The following OR4N5 variants were observed in gnomAD, a reference collection of about 807,000 sequenced individuals.
OR4N5 encodes the protein olfactory receptor family 4 subfamily N member 5.
For synonymous variants in OR4N5, 155 were observed against 140.6 expected (o/e 1.10, Z -0.72); for missense variants, 428 against 370.0 (o/e 1.16, Z -1.29).
chr14:20,140,137 G>A (rs890990350), intron 1 of OR4N5, among the ~76,000 whole-genome samples: 1 of 152,132 alleles, frequency 6.6e-6, no homozygotes, highest in African/African-American at 2.4e-5. Flanking sequence ...AACAGGTTAA[G>A]CAATTTATTA....
intron 2 of OR4N5, among the ~76,000 whole-genome samples, chr14:20,143,095 G>T (rs1566559370): frequency 1.3e-5 from 2 of 152,148 alleles, no homozygotes; most frequent in Non-Finnish European, 2.9e-5. Flanking sequence ...TTTAACTAGG[G>T]AATTCCTCTA....
intron 1 of OR4N5, among the ~76,000 whole-genome samples, chr14:20,140,293 G>T (rs1878591447): frequency 6.6e-6 from 1 of 152,038 alleles, no homozygotes; most frequent in Admixed American, 6.6e-5. Context: ...AAAGAGGGAG[G>T]AAAAGCAAGG....
Position 20,143,924 on chromosome 14 carries a change from G to A in OR4N5, c.189G>A (p.Leu63=). 6.2e-7 allele frequency: 1 copy of A among 1,613,942 alleles called. No individual in the cohort carries two copies. Among genetic ancestry groups the A allele is most frequent in the Middle Eastern group, 1.7e-4 (1 of 6,054 alleles). ...PGLTAPLYFF[L]GNLALLDASY... ...TCACAGCCCCCCTCTATTTCTTTCT[G>A]GGCAACTTGGCCTTACTGGATGCAT... Residue 63 remains leucine (L), a synonymous_variant, in exon 3 of 3, where the codon CTG becomes CTA. Transcript: ENST00000641086.
chr14:20,144,603 C>G lies in OR4N5; in HGVS notation c.868C>G (p.Arg290Gly), dbSNP rs199690567. The G allele has an allele frequency of 3.4e-4, 545 of 1,613,586 alleles. No homozygotes were observed. Among genetic ancestry groups the G allele is most frequent in the Non-Finnish European group, 4.4e-4 (523 of 1,179,812 alleles). Reference sequence around the variant, plus strand: ...GATGAACCCTGTTATTTATACGCTTCGCAACCAGGAGGTGAAAGCTTCCAT... The same window carrying G: ...GATGAACCCTGTTATTTATACGCTTGGCAACCAGGAGGTGAAAGCTTCCAT... ...PLMNPVIYTL[R>G]NQEVKASMRK... The change falls in exon 3 of 3, where the codon CGC becomes GGC. Residue 290 changes from arginine (R) to glycine (G), a missense_variant. Physicochemically the swap from Arg to Gly is moderately radical, Grantham distance 125. Coordinates refer to ENST00000641086, the MANE Select transcript of OR4N5 (RefSeq NM_001004724.2).
At chr14:20,139,679 C>A (rs1878579406) in intron 1 of OR4N5, among the ~76,000 whole-genome samples, 1 of 152,112 alleles carries the variant, frequency 6.6e-6, no homozygotes, top group African/African-American at 2.4e-5. Flanking sequence ...TAGCTCCTAA[C>A]CACCTAATTT....
At chr14:20,142,134 A>G (rs188387258) in intron 2 of OR4N5, among the ~76,000 whole-genome samples, 15 of 150,728 alleles carry the variant, frequency 1.0e-4, no homozygotes, top group Admixed American at 6.6e-5. Flanking sequence ...ATATATATAT[A>G]TTTTTTTTTG....
At position 20,142,701 on chromosome 14, in the gene OR4N5, A is replaced by T. The variant is rs114612077; in HGVS notation, c.-11-1024A>T. Among the ~76,000 whole-genome samples, 392 of 152,336 alleles carry T rather than the reference A, an allele frequency of 2.6e-3. 4 individuals carry two copies. The highest frequency in any genetic ancestry group is 9.0e-3 in the African/African-American group (374 of 41,580). On this transcript the variant is annotated intron_variant, in intron 2 of 2. Coordinates refer to ENST00000641086, the MANE Select transcript of OR4N5 (RefSeq NM_001004724.2). ...ATGAGACATAAATAATTCCCTAAAA[A>T]GTGTAAACTGAGGAATAAATACCTG... is the stretch of plus-strand genomic sequence containing the variant.
Position 20,144,767 on chromosome 14 carries a change from A to T in OR4N5, c.*105A>T, listed in dbSNP as rs973579931. 2 of 710,460 alleles carry T rather than the reference A, an allele frequency of 2.8e-6. No homozygotes were observed. The highest frequency in any genetic ancestry group is 3.6e-5 in the African/African-American group (2 of 55,670). 44.0% of individuals were successfully genotyped at this position (710,460 alleles called of 1,614,324 possible). A position where few individuals can be genotyped will look rare whatever the true frequency, so the allele number is the denominator to read the frequency against. ...AGTCAGTCATTTAGCAAGTATTATAATTATTAAGTACTTCCCATTTTCAGG... is the reference window on the plus strand; with the variant it reads ...AGTCAGTCATTTAGCAAGTATTATATTTATTAAGTACTTCCCATTTTCAGG... On this transcript the variant is annotated 3_prime_UTR_variant, in exon 3 of 3. Transcript: ENST00000641086.
In OR4N5 at chr14:20,144,130, A is replaced by G; in HGVS notation, c.395A>G (p.Tyr132Cys). 6.2e-7 allele frequency: 1 copy of G among 1,614,066 alleles called. No individual in the cohort carries two copies. Among genetic ancestry groups the G allele is most frequent in the Non-Finnish European group, 8.5e-7 (1 of 1,179,972 alleles). The change falls in exon 3 of 3, where the codon TAT becomes TGT. Residue 132 changes from tyrosine (Y) to cysteine (C), a missense_variant. Tyr to Cys is a radical substitution (Grantham distance 194). Coordinates refer to ENST00000641086, the MANE Select transcript of OR4N5 (RefSeq NM_001004724.2). ...ATCGCCATCTGCCGGCCTTTACACTATTCAACCATCATGAACCCTAGAGCC... is the reference window on the plus strand; with the variant it reads ...ATCGCCATCTGCCGGCCTTTACACTGTTCAACCATCATGAACCCTAGAGCC... The part of the protein sequence containing the change: ...RYIAICRPLH[Y>C]STIMNPRACY...
chr14:20,142,314 A>G (rs1878633178), intron 2 of OR4N5, among the ~76,000 whole-genome samples: 1 of 152,068 alleles, frequency 6.6e-6, no homozygotes, highest in Non-Finnish European at 1.5e-5. Flanking sequence ...TATTTTTAGT[A>G]GAGATGGGGT....
chr14:20,142,041 G>C (rs1261949634), intron 2 of OR4N5, among the ~76,000 whole-genome samples: 1 of 152,080 alleles, frequency 6.6e-6, no homozygotes, highest in Non-Finnish European at 1.5e-5. Context: ...AGTGAAACAT[G>C]CATGGTATCA....
rs564886817 is a variant in OR4N5 at position 20,140,881 on chromosome 14, CT to C, written c.-331del. The C allele has an allele frequency of 4.4e-4, 63 of 142,760 alleles. No homozygotes were observed. Among genetic ancestry groups the C allele is most frequent in the Admixed American group, 8.4e-4 (12 of 14,262 alleles). The allele number at this position is 142,760 out of a possible 1,614,324, so 8.8% of individuals were successfully genotyped here. On this transcript the variant is annotated 5_prime_UTR_variant, in exon 2 of 3. Coordinates refer to ENST00000641086, the MANE Select transcript of OR4N5 (RefSeq NM_001004724.2). Reference sequence around the variant, plus strand: ...CCCCTGTGAGATCCATTGTTTGGTGCTTTTTTTTTTTCGGGAACTCATTTTG... The same window carrying C: ...CCCCTGTGAGATCCATTGTTTGGTGCTTTTTTTTTTCGGGAACTCATTTTG...
rs17308206 is a variant in OR4N5 at position 20,144,131 on chromosome 14, T to C, written c.396T>C (p.Tyr132=). The change falls in exon 3 of 3, where the codon TAT becomes TAC. Residue 132 remains tyrosine (Y), a synonymous_variant. Coordinates refer to ENST00000641086, the MANE Select transcript of OR4N5 (RefSeq NM_001004724.2). The part of the protein sequence containing the change: ...RYIAICRPLH[Y]STIMNPRACY... ...TCGCCATCTGCCGGCCTTTACACTA[T>C]TCAACCATCATGAACCCTAGAGCCT... 8,296 of 1,614,120 alleles carry C rather than the reference T, an allele frequency of 5.1e-3. 175 individuals carry two copies. Among genetic ancestry groups the C allele is most frequent in the African/African-American group, 0.048 (3,592 of 75,052 alleles).
At position 20,141,226 on chromosome 14, in the gene OR4N5, G is replaced by C. The variant is rs1232782081; in HGVS notation, c.-12+15G>C. 1.3e-5 allele frequency: 2 copies of C among 152,128 alleles called. No individual in the cohort carries two copies. Among genetic ancestry groups the C allele is most frequent in the Non-Finnish European group, 2.9e-5 (2 of 68,028 alleles). 9.4% of individuals were successfully genotyped at this position (152,128 alleles called of 1,614,324 possible). On this transcript the variant is annotated intron_variant, in intron 2 of 2. Transcript: ENST00000641086. ...ATGAATAAAAGGTAGGACTAGGGGA[G>C]GGAGCTTCTGACTTAAGTTCTTAAG...
Position 20,143,972 on chromosome 14 carries a change from C to A in OR4N5, c.237C>A (p.Pro79=), listed in dbSNP as rs887740951. The A allele has an allele frequency of 2.5e-6, 4 of 1,614,058 alleles. No homozygotes were observed. Among genetic ancestry groups the A allele is most frequent in the Non-Finnish European group, 3.4e-6 (4 of 1,179,946 alleles). The change falls in exon 3 of 3, where the codon CCC becomes CCA. Residue 79 remains proline, a synonymous_variant. Transcript: ENST00000641086. ...CATCCTACTCCTTCATTGTGGTTCC[C>A]AGGATGTTGGTGGACTTCCTCTCTG... ...LDASYSFIVV[P]RMLVDFLSEK... is the part of the protein sequence containing the mutation.
In OR4N5 at chr14:20,145,054, A is replaced by G. The variant is rs1442413727; in HGVS notation, c.*392A>G. 1 of 164,054 alleles carries G rather than the reference A, an allele frequency of 6.1e-6. No homozygotes were observed. The highest frequency in any genetic ancestry group is 2.4e-5 in the African/African-American group (1 of 41,504). 10.2% of individuals were successfully genotyped at this position (164,054 alleles called of 1,614,324 possible). ...CTCAAGTGGTGTTTAGCTGAAACCAATATGATTCGAAAGAAACAACCATGC... is the reference window on the plus strand; with the variant it reads ...CTCAAGTGGTGTTTAGCTGAAACCAGTATGATTCGAAAGAAACAACCATGC... On this transcript the variant is annotated 3_prime_UTR_variant, in exon 3 of 3. Transcript: ENST00000641086.
chr14:20,141,889 C>T (rs1159465753), intron 2 of OR4N5, among the ~76,000 whole-genome samples: 1 of 152,116 alleles, frequency 6.6e-6, no homozygotes, highest in African/African-American at 2.4e-5. Context: ...TTTATTGTCA[C>T]ATTGCATGAT....
Position 20,140,986 on chromosome 14 carries a change from G to A in OR4N5, c.-237G>A, listed in dbSNP as rs1262282853. The A allele has an allele frequency of 1.3e-5, 2 of 151,730 alleles. No homozygotes were observed. Among genetic ancestry groups the A allele is most frequent in the Admixed American group, 1.3e-4 (2 of 15,214 alleles). The allele number at this position is 151,730 out of a possible 1,614,324, so 9.4% of individuals were successfully genotyped here. A position where few individuals can be genotyped will look rare whatever the true frequency, so the allele number is the denominator to read the frequency against. On this transcript the variant is annotated 5_prime_UTR_variant, in exon 2 of 3. Transcript: ENST00000641086. Reference sequence around the variant, plus strand: ...CAATTTGAGAATCAACAGAACAAAAGGTACATAAATGAGGACAAAGGAAAG... The same window carrying A: ...CAATTTGAGAATCAACAGAACAAAAAGTACATAAATGAGGACAAAGGAAAG...
In OR4N5 at chr14:20,142,113, C is replaced by T. The variant is rs1250713860; in HGVS notation, c.-12+902C>T. Among the ~76,000 whole-genome samples, 3 of 151,962 alleles carry T rather than the reference C, an allele frequency of 2.0e-5. No homozygotes were observed. The East Asian group carries it at 5.8e-4, about 29-fold the overall frequency. On this transcript the variant is annotated intron_variant, in intron 2 of 2. Transcript: ENST00000641086. ...TAATCTCAACACGATCATTAAAATA[C>T]AATCACAAATATATATATATATTTT...
Sources: gnomAD v4.1 joint callset for allele counts (sites outside exome capture counted in the v4.1 genomes callset) on GRCh38, gnomAD v4.1.1 for gene constraint, MANE v1.5 for transcripts, NCBI Gene and HGNC (gene_info 2026-07-23, HGNC 2026-07-21) for gene names.